The following KCNB2 variants were observed in gnomAD, a reference collection of about 807,000 sequenced individuals.
The protein encoded by KCNB2 is potassium voltage-gated channel subfamily B member 2.
A neutral mutation model predicts 61.5 loss-of-function variants in KCNB2; 15 were observed. The observed-to-expected ratio is 0.24, with a 90% CI of 0.16 to 0.38. The LOEUF (loss-of-function observed/expected upper bound fraction) is 0.38. Among genes scored for constraint, KCNB2 ranks in the 10% least tolerant of loss-of-function variants. The pLI is 1.00. For missense variants in KCNB2, 828 were observed against 1,125.2 expected (o/e 0.74, Z 3.78); for synonymous variants, 457 against 446.0 (o/e 1.02, Z -0.31).
At position 72,809,885 on chromosome 8, in the gene KCNB2, T is replaced by C. The variant is rs182537821; in HGVS notation, c.580-126050T>C. On this transcript the variant is annotated intron_variant, in intron 2 of 2. Transcript: ENST00000523207. ...GCCTTTTCTTATTAGCCTTTGTTTC[T>C]TATTATTTTATTTGTATCTCTTAGT... Among the ~76,000 whole-genome samples, 499 of 152,324 alleles carry C rather than the reference T, an allele frequency of 3.3e-3. 2 individuals carry two copies. Among genetic ancestry groups the C allele is most frequent in the African/African-American group, 0.011 (442 of 41,572 alleles).
chr8:72,855,743 G>A (rs10808789), intron 2 of KCNB2, among the ~76,000 whole-genome samples: 135,265 of 152,112 alleles, frequency 0.89, 60,787 homozygotes, highest in Middle Eastern at 0.98. Context: ...GACCCTTTAA[G>A]TCAACTGTCC....
rs141651137 is a variant in KCNB2, at chr8:72,745,066, C to T, written c.579+176753C>T. 2.1e-3 allele frequency among the ~76,000 whole-genome samples: 327 copies of T among 152,330 alleles called. 2 individuals are homozygous for T. The highest frequency in any genetic ancestry group is 7.3e-3 in the African/African-American group (304 of 41,592). The stretch of plus-strand genomic sequence containing the variant: ...CCCAGCACACTGCTACTGCAGCTCT[C>T]TCTTTCACCTCCTGAATTAAATGTG... On this transcript the variant is annotated intron_variant, in intron 2 of 2. Transcript: ENST00000523207.
At chr8:72,746,663 A>G (rs1808075666) in intron 2 of KCNB2, among the ~76,000 whole-genome samples, 1 of 152,152 alleles carries the variant, frequency 6.6e-6, no homozygotes, top group South Asian at 2.1e-4. Context: ...GCTGTAAGGT[A>G]CAGCCTCAGA....
chr8:72,689,401 G>A (rs1806905979), intron 2 of KCNB2, among the ~76,000 whole-genome samples: 1 of 152,070 alleles, frequency 6.6e-6, no homozygotes, highest in Non-Finnish European at 1.5e-5. Context: ...ACTTTATTGA[G>A]GTTAAATTTA....
chr8:72,683,940 A>C (rs1806805950), intron 2 of KCNB2, among the ~76,000 whole-genome samples: 1 of 152,200 alleles, frequency 6.6e-6, no homozygotes, highest in Non-Finnish European at 1.5e-5. Context: ...TTGTGAGTTT[A>C]TACTTTTTCC....
At chr8:72,611,127 AT>A (rs1805530953) in intron 2 of KCNB2, among the ~76,000 whole-genome samples, 1 of 152,150 alleles carries the variant, frequency 6.6e-6, no homozygotes, top group African/African-American at 2.4e-5. Context: ...AAGAAAATCT[AT>A]GTGCTATCCA....
intron 2 of KCNB2, among the ~76,000 whole-genome samples, chr8:72,846,567 GA>G (rs369361332): frequency 0.014 from 2,036 of 148,454 alleles, 51 homozygotes; most frequent in African/African-American, 0.048. Context: ...CAAAAAAAAA[GA>G]AAAAAAAAAC....
At chr8:72,581,436 A>G (rs1235733317) in intron 2 of KCNB2, among the ~76,000 whole-genome samples, 1 of 152,192 alleles carries the variant, frequency 6.6e-6, no homozygotes, top group Non-Finnish European at 1.5e-5. Flanking sequence ...CTTATCTTCA[A>G]TTACTGATAC....
intron 2 of KCNB2, among the ~76,000 whole-genome samples, chr8:72,629,605 G>C (rs1439102852): frequency 6.6e-6 from 1 of 152,176 alleles, no homozygotes; most frequent in East Asian, 1.9e-4. Context: ...GCTCAGTTTG[G>C]AGCCAGGGAA....
chr8:72,862,288 C>A (rs896478828), intron 2 of KCNB2, among the ~76,000 whole-genome samples: 14 of 152,120 alleles, frequency 9.2e-5, no homozygotes, highest in Admixed American at 1.3e-4. Context: ...CAAATTTAAT[C>A]TTTTTAATTA....
intron 2 of KCNB2, among the ~76,000 whole-genome samples, chr8:72,851,707 T>C (rs1810111800): frequency 6.6e-6 from 1 of 151,194 alleles, no homozygotes. Flanking sequence ...GTACTACCAT[T>C]GGCATGATTT....
At chr8:72,903,089 A>G (rs1806115171) in intron 2 of KCNB2, among the ~76,000 whole-genome samples, 1 of 152,184 alleles carries the variant, frequency 6.6e-6, no homozygotes, top group African/African-American at 2.4e-5. Flanking sequence ...TTCTAGTTGT[A>G]TTCACCCATC....
chr8:72,568,181 C>A lies in KCNB2; in HGVS notation c.447C>A (p.Asn149Lys). The A allele has an allele frequency of 6.2e-7, 1 of 1,613,948 alleles. No individual in the cohort carries two copies. The highest frequency in any genetic ancestry group is 8.5e-7 in the Non-Finnish European group (1 of 1,179,994). The change falls in exon 2 of 3, where the codon AAC (asparagine) becomes AAA (lysine). Residue 149 changes from asparagine (N) to lysine (K), a missense_variant. By Grantham distance (94) the Asn-to-Lys change is moderately conservative. Transcript: ENST00000523207. ...ATCATCAAAAAAAAGAACAAATGAA[C>A]GAAGAACTGAGGCGAGAGGCAGAGA... ...ARYHQKKEQMNEELRREAETM... is the reference protein window; with the variant it reads ...ARYHQKKEQMKEELRREAETM...
chr8:72,914,470 T>C (rs113413743), intron 2 of KCNB2, among the ~76,000 whole-genome samples: 446 of 152,374 alleles, frequency 2.9e-3, no homozygotes, highest in Non-Finnish European at 5.0e-3. Flanking sequence ...TTGAAAACTC[T>C]TAATGGCTTT....
chr8:72,631,674 A>C (rs898170534), intron 2 of KCNB2, among the ~76,000 whole-genome samples: 1 of 152,218 alleles, frequency 6.6e-6, no homozygotes, highest in Non-Finnish European at 1.5e-5. Context: ...CATTGTAATT[A>C]AATTTTTAAA....
At chr8:72,824,404 T>A (rs1301178873) in intron 2 of KCNB2, among the ~76,000 whole-genome samples, 2 of 151,910 alleles carry the variant, frequency 1.3e-5, no homozygotes, top group Admixed American at 1.3e-4. Flanking sequence ...CCCCTACAGT[T>A]CCCCAGCCCC....
intron 2 of KCNB2, among the ~76,000 whole-genome samples, chr8:72,780,195 T>C (rs1808731372): frequency 6.6e-6 from 1 of 152,236 alleles, no homozygotes; most frequent in Non-Finnish European, 1.5e-5. Context: ...AACTTACGAC[T>C]GTCTCTGTGC....
At position 72,810,725 on chromosome 8, in the gene KCNB2, A is replaced by G. The variant is rs192464225; in HGVS notation, c.580-125210A>G. On this transcript the variant is annotated intron_variant, in intron 2 of 2. Transcript: ENST00000523207. The stretch of plus-strand genomic sequence containing the variant: ...TTAGTTACTTCCAAACATTTCCTAT[A>G]TTCATTAGAAGGACTTCTGTTTAAA... 2.7e-3 allele frequency among the ~76,000 whole-genome samples: 417 copies of G among 152,282 alleles called. 2 individuals are homozygous for G. The highest frequency in any genetic ancestry group is 9.7e-3 in the African/African-American group (404 of 41,558).
intron 2 of KCNB2, among the ~76,000 whole-genome samples, chr8:72,765,780 T>C (rs1005309591): frequency 6.6e-6 from 1 of 152,182 alleles, no homozygotes; most frequent in Non-Finnish European, 1.5e-5. Flanking sequence ...AGACACTAAT[T>C]GGTGGGCCAT....
Sources: allele counts gnomAD v4.1 joint callset (sites outside exome capture counted in the v4.1 genomes callset), GRCh38; gene constraint gnomAD v4.1.1; transcripts MANE v1.5; gene names NCBI Gene and HGNC (gene_info 2026-07-23, HGNC 2026-07-21).